PDE10A: variants seen among roughly 807,000 people sequenced by gnomAD.
PDE10A encodes the protein cAMP and cAMP-inhibited cGMP 3',5'-cyclic phosphodiesterase 10A.
Under a neutral mutation model 97.7 loss-of-function variants are expected in PDE10A, and 39 were observed. The observed-to-expected ratio is 0.40, with a 90% CI of 0.31 to 0.52. PDE10A has a LOEUF of 0.52. Ranked by LOEUF, PDE10A falls within the 20% of genes least tolerant of loss-of-function variation. The probability of loss-of-function intolerance (pLI) is 0.56; values close to 1 mark genes in which losing one functional copy is unlikely to be tolerated. For missense variants in PDE10A, 731 were observed against 1,047.8 expected (o/e 0.70, Z 4.17); for synonymous variants, 371 against 376.8 (o/e 0.98, Z 0.18).
intron 1 of PDE10A, among the ~76,000 whole-genome samples, chr6:165,676,938 C>T (rs943586764): frequency 1.4e-4 from 21 of 152,208 alleles, no homozygotes; most frequent in Admixed American, 5.2e-4. Flanking sequence ...TCCAGCAGGA[C>T]GGGTCCTCAC....
At chr6:165,520,414 C>T (rs1782060910) in intron 2 of PDE10A, among the ~76,000 whole-genome samples, 1 of 152,068 alleles carries the variant, frequency 6.6e-6, no homozygotes, top group Admixed American at 6.6e-5. Flanking sequence ...ATATGTATAA[C>T]ATCTGAGGAG....
At chr6:165,940,534 T>A (rs1310808569) in intron 1 of PDE10A, 1 of 152,286 alleles carries the variant, frequency 6.6e-6, no homozygotes. Context: ...CGGCGCAGCC[T>A]GGCGCTCTGC....
chr6:165,649,388 C>A (rs1789565166), intron 1 of PDE10A, among the ~76,000 whole-genome samples: 2 of 152,052 alleles, frequency 1.3e-5, no homozygotes, highest in Non-Finnish European at 2.9e-5. Context: ...AGCAAAGAGG[C>A]CCACTGAGAC....
At chr6:165,400,143 A>C (rs984937330) in intron 13 of PDE10A, among the ~76,000 whole-genome samples, 6 of 152,158 alleles carry the variant, frequency 3.9e-5, no homozygotes, top group African/African-American at 1.2e-4. Context: ...TAAACAAATA[A>C]ATAAAAACTT....
At chr6:165,652,355 A>G in intron 1 of PDE10A, among the ~76,000 whole-genome samples, 1 of 139,376 alleles carries the variant, frequency 7.2e-6, no homozygotes, top group South Asian at 2.3e-4. Flanking sequence ...CTCCCGGGCT[A>G]TTTTTTTTTT....
chr6:165,545,679 A>G (rs1783703898), intron 1 of PDE10A, among the ~76,000 whole-genome samples: 2 of 152,074 alleles, frequency 1.3e-5, no homozygotes, highest in South Asian at 4.1e-4. Flanking sequence ...CTCATTTGTT[A>G]ATCATGAATT....
rs117544132 is a variant in PDE10A at position 165,629,543 on chromosome 6, T to A, written c.865+32404A>T. ...AACCTTTTTTTTTTTTTTTTTTTTT[T>A]AAAACAGGGTCTCACTTTGTCACCC... On this transcript the variant is annotated intron_variant, in intron 1 of 21. Coordinates refer to ENST00000539869, the MANE Select transcript of PDE10A (RefSeq NM_001385079.1). Among the ~76,000 whole-genome samples, 518 of 143,452 alleles carry A rather than the reference T, an allele frequency of 3.6e-3. 2 individuals are homozygous for A. The highest frequency in any genetic ancestry group is 7.2e-3 in the African/African-American group (268 of 37,360). 94.1% of individuals were successfully genotyped at this position (143,452 alleles called of 152,430 possible).
intron 1 of PDE10A, among the ~76,000 whole-genome samples, chr6:165,698,511 C>T (rs1015176849): frequency 7.2e-5 from 11 of 151,902 alleles, no homozygotes; most frequent in East Asian, 3.9e-4. Context: ...AAAAATAGAG[C>T]GAAAAAATAA....
intron 3 of PDE10A, among the ~76,000 whole-genome samples, chr6:165,458,668 C>G (rs544493000): frequency 2.0e-5 from 3 of 151,166 alleles, no homozygotes; most frequent in African/African-American, 7.4e-5. Flanking sequence ...GACAGGCGCA[C>G]GCACACACAC....
At chr6:165,548,188 A>G (rs1178665339) in intron 1 of PDE10A, among the ~76,000 whole-genome samples, 1 of 152,024 alleles carries the variant, frequency 6.6e-6, no homozygotes, top group Non-Finnish European at 1.5e-5. Context: ...TCCAAAAGAT[A>G]AAACTATTCT....
At chr6:165,902,343 G>A (rs984279396) in intron 1 of PDE10A, among the ~76,000 whole-genome samples, 2 of 152,190 alleles carry the variant, frequency 1.3e-5, no homozygotes, top group South Asian at 2.1e-4. Context: ...GCGGCAAGCC[G>A]GCTGCCGAGC....
chr6:165,704,083 G>C (rs1045092439), intron 1 of PDE10A, among the ~76,000 whole-genome samples: 1 of 152,160 alleles, frequency 6.6e-6, no homozygotes, highest in African/African-American at 2.4e-5. Context: ...GCCGTGCCAC[G>C]TACAACAGTA....
intron 1 of PDE10A, among the ~76,000 whole-genome samples, chr6:165,585,737 G>A (rs768452267): frequency 2.0e-5 from 3 of 152,088 alleles, no homozygotes; most frequent in East Asian, 1.9e-4. Flanking sequence ...AAGCCACAAC[G>A]TTTGTGGCAT....
chr6:165,541,443 C>A (rs1040191371), intron 2 of PDE10A, among the ~76,000 whole-genome samples: 2 of 152,140 alleles, frequency 1.3e-5, no homozygotes, highest in East Asian at 3.9e-4. Flanking sequence ...ATATAGAAAA[C>A]AAAGATTTGG....
At chr6:165,337,659 C>T (rs1226346097) in intron 20 of PDE10A, among the ~76,000 whole-genome samples, 1 of 152,152 alleles carries the variant, frequency 6.6e-6, no homozygotes, top group Non-Finnish European at 1.5e-5. Flanking sequence ...AAAATATGAA[C>T]TGATCATAGA....
At chr6:165,686,552 G>A (rs56920904) in intron 1 of PDE10A, among the ~76,000 whole-genome samples, 5,498 of 152,256 alleles carry the variant, frequency 0.036, 342 homozygotes, top group African/African-American at 0.13. Flanking sequence ...TCTTGCAGGG[G>A]CAATGTTTAA....
chr6:165,344,311 T>A (rs1279431944), intron 18 of PDE10A, among the ~76,000 whole-genome samples: 1 of 152,228 alleles, frequency 6.6e-6, no homozygotes, highest in Non-Finnish European at 1.5e-5. Flanking sequence ...CTTAACAGAA[T>A]AATTAAGTGG....
At chr6:165,831,417 TCA>T (rs1366083892) in intron 1 of PDE10A, among the ~76,000 whole-genome samples, 1 of 144,174 alleles carries the variant, frequency 6.9e-6, no homozygotes, top group African/African-American at 2.6e-5. Context: ...GGATAAGAAT[TCA>T]CACTAAAATT....
chr6:165,765,577 G>T lies in PDE10A; in HGVS notation c.-615+221952C>A, dbSNP rs373560497. Among the ~76,000 whole-genome samples, 711 of 147,524 alleles carry T rather than the reference G, an allele frequency of 4.8e-3. 7 individuals are homozygous for T. The highest frequency in any genetic ancestry group is 0.017 in the African/African-American group (683 of 40,288). Reference sequence around the variant, plus strand: ...GCCGGCAGGGCCGGCTGGCTGCTCCGAGTGCGGGGCCCGCCAAGCCCACGC... The same window carrying T: ...GCCGGCAGGGCCGGCTGGCTGCTCCTAGTGCGGGGCCCGCCAAGCCCACGC... On this transcript the variant is annotated intron_variant, in intron 1 of 19. Transcript: ENST00000366882.
Sources: gnomAD v4.1 joint callset for allele counts (sites outside exome capture counted in the v4.1 genomes callset) on GRCh38, gnomAD v4.1.1 for gene constraint, MANE v1.5 for transcripts, NCBI Gene and HGNC (gene_info 2026-07-23, HGNC 2026-07-21) for gene names.